The following OGFR variants were observed in gnomAD, a reference collection of about 807,000 sequenced individuals.
OGFR encodes the protein protein 7-60.
In OGFR, 18 loss-of-function variants were observed where a neutral mutation model predicts 33.6. The observed-to-expected ratio is 0.54, with a 90% CI of 0.37 to 0.80. OGFR has a LOEUF of 0.80. Among genes scored for constraint, OGFR ranks in the 30% least tolerant of loss-of-function variants. The probability of loss-of-function intolerance (pLI) is 0.00; values close to 1 mark genes in which losing one functional copy is unlikely to be tolerated. For synonymous variants in OGFR, 370 were observed against 400.7 expected (o/e 0.92, Z 0.91); for missense variants, 877 against 955.8 (o/e 0.92, Z 1.09).
In OGFR at chr20:62,811,982, T is replaced by A. The variant is rs146578275; in HGVS notation, c.615-248T>A. ...TCCTCCCCACCAGGGGGACTCGGGG[T>A]ACAGCCACCCTCTAGGTGATGCGTC... On this transcript the variant is annotated intron_variant, in intron 6 of 6. Transcript: ENST00000290291. 9.7e-3 allele frequency among the ~76,000 whole-genome samples: 1,469 copies of A among 152,212 alleles called. 15 individuals are homozygous for A. The highest frequency in any genetic ancestry group is 0.016 in the Non-Finnish European group (1,072 of 67,988).
chr20:62,806,674 C>A (rs36052174), intron 1 of OGFR: 32,654 of 152,176 alleles, frequency 0.21, 3,739 homozygotes, highest in African/African-American at 0.27. Flanking sequence ...TCCTAACCCC[C>A]CTTCTAGCAC....
intron 3 of OGFR, among the ~76,000 whole-genome samples, chr20:62,808,529 T>C (rs912511267): frequency 5.3e-5 from 8 of 152,210 alleles, no homozygotes; most frequent in African/African-American, 1.9e-4. Flanking sequence ...CGGGGTGGGC[T>C]ATCTCTGTAA....
Position 62,810,490 on chromosome 20 carries a change from C to T in OGFR, c.399-9C>T, listed in dbSNP as rs766005528. 1.2e-6 allele frequency: 2 copies of T among 1,613,130 alleles called. No individual in the cohort carries two copies. Among genetic ancestry groups the T allele is most frequent in the South Asian group, 1.1e-5 (1 of 91,076 alleles). On this transcript the variant is annotated splice_polypyrimidine_tract_variant and intron_variant, in intron 4 of 6. Transcript: ENST00000290291. Reference sequence around the variant, plus strand: ...CTAATCCCTTGCCTGAGCATCTCTTCTCCTGCAGGCTGTTTCCTCTGCGAG... The same window carrying T: ...CTAATCCCTTGCCTGAGCATCTCTTTTCCTGCAGGCTGTTTCCTCTGCGAG...
intron 1 of OGFR, chr20:62,805,597 G>C (rs1346123433): frequency 6.6e-6 from 1 of 152,256 alleles, no homozygotes; most frequent in Non-Finnish European, 1.5e-5. Context: ...CGGCCCCCCT[G>C]TCGGGGAGCT....
chr20:62,808,124 C>A, intron 2 of OGFR, 123 bp from the exon 3 acceptor site: 1 of 798,266 alleles, frequency 1.3e-6, no homozygotes, highest in Non-Finnish European at 2.3e-6. Flanking sequence ...AGGAGCCAGG[C>A]GGGCTCTTGG....
At chr20:62,811,236 C>T (rs752994860) in intron 5 of OGFR, among the ~76,000 whole-genome samples, 2 of 152,142 alleles carry the variant, frequency 1.3e-5, no homozygotes, top group Non-Finnish European at 2.9e-5. Flanking sequence ...TGGTGGCAGG[C>T]AACTGTAATC....
Position 62,813,764 on chromosome 20 carries a change from C to A in OGFR, c.*115C>A. Reference sequence around the variant, plus strand: ...TGCTTCGTGACCCGTGACCCATGACCCACAGTGCTGGCCTCCTGTGGGGCC... The same window carrying A: ...TGCTTCGTGACCCGTGACCCATGACACACAGTGCTGGCCTCCTGTGGGGCC... On this transcript the variant is annotated 3_prime_UTR_variant, in exon 7 of 7. Transcript: ENST00000290291. 7.8e-7 allele frequency: 1 copy of A among 1,287,558 alleles called. No homozygotes were observed. Among genetic ancestry groups the A allele is most frequent in the Non-Finnish European group, 1.1e-6 (1 of 902,916 alleles). The allele number at this position is 1,287,558 out of a possible 1,614,324, so 79.8% of individuals were successfully genotyped here.
At chr20:62,809,550 C>T (rs199654003) in intron 3 of OGFR, 35 bp from the exon 4 acceptor site, 6 of 1,569,454 alleles carry the variant, frequency 3.8e-6, no homozygotes, top group African/African-American at 1.3e-5. Flanking sequence ...GGCAGGGTGG[C>T]TGCCACAGCT....
Position 62,813,571 on chromosome 20 carries a change from T to C in OGFR, c.1956T>C (p.Asp652=), listed in dbSNP as rs141172367. 16 of 1,599,640 alleles carry C rather than the reference T, an allele frequency of 1.0e-5. No individual in the cohort carries two copies. Among genetic ancestry groups the C allele is most frequent in the South Asian group, 1.1e-5 (1 of 89,874 alleles). Residue 652 remains aspartate, a synonymous_variant, in exon 7 of 7, where the codon GAT becomes GAC. Coordinates refer to ENST00000290291, the MANE Select transcript of OGFR (RefSeq NM_007346.4). ...CCAGCCCGGCAGGACCTACAAGGGA[T>C]GAGCCAGCCAAGGCGGGGGAGGCAG... is the stretch of plus-strand genomic sequence containing the variant. ...PGPSPAGPTR[D]EPAKAGEAAE... is the part of the protein sequence containing the mutation.
chr20:62,809,815 T>A, intron 4 of OGFR, 152 bp downstream of exon 4: 1 of 669,878 alleles, frequency 1.5e-6, no homozygotes, highest in Non-Finnish European at 2.7e-6. Context: ...CGGATGGACA[T>A]TACTGGACAT....
At chr20:62,808,804 T>G (rs1019118890) in intron 3 of OGFR, among the ~76,000 whole-genome samples, 4 of 151,724 alleles carry the variant, frequency 2.6e-5, no homozygotes, top group African/African-American at 9.7e-5. Flanking sequence ...AAACCCTGTC[T>G]CTACTAAAAA....
chr20:62,810,257 C>T (rs1268181541), intron 4 of OGFR, among the ~76,000 whole-genome samples: 1 of 152,180 alleles, frequency 6.6e-6, no homozygotes, highest in Non-Finnish European at 1.5e-5. Flanking sequence ...CTGCCTGAGT[C>T]ACCTCCCCAG....
chr20:62,807,159 G>T, intron 1 of OGFR: 1 of 270,392 alleles, frequency 3.7e-6, no homozygotes, highest in Non-Finnish European at 7.1e-6. Flanking sequence ...AAGCCAGGGT[G>T]GAGGTGGCCA....
rs547639186 is a variant in OGFR at position 62,811,345 on chromosome 20, G to A, written c.466-117G>A. On this transcript the variant is annotated intron_variant, in intron 5 of 6. Coordinates refer to ENST00000290291, the MANE Select transcript of OGFR (RefSeq NM_007346.4). ...AGACTCTGTCTCTAAATAAATGTCT[G>A]TCTGTCTGTCTGTCTAGTCCAGGCC... is the stretch of plus-strand genomic sequence containing the variant. 12 of 1,106,412 alleles carry A rather than the reference G, an allele frequency of 1.1e-5. No individual in the cohort carries two copies. In the Admixed American group the frequency reaches 2.0e-4, roughly 19 times the overall value. The allele number at this position is 1,106,412 out of a possible 1,614,324, so 68.5% of individuals were successfully genotyped here.
In OGFR at chr20:62,804,862, GGAC is replaced by G. The variant is rs562826170; in HGVS notation, c.7_9del (p.Asp3del). ...CGCGAGCCCCGCCGCCGCCGAGCAT[GGAC>G]GACCCCGACTGCGACTCCACCTGGG... On this transcript the variant is annotated inframe_deletion, in exon 1 of 7. Coordinates refer to ENST00000290291, the MANE Select transcript of OGFR (RefSeq NM_007346.4). 365 of 1,466,900 alleles carry G rather than the reference GGAC, an allele frequency of 2.5e-4. 2 individuals are homozygous for G. In the African/African-American group the frequency reaches 4.7e-3, roughly 19 times the overall value. 90.9% of individuals were successfully genotyped at this position (1,466,900 alleles called of 1,614,324 possible).
At chr20:62,808,845 T>G (rs1028069589) in intron 3 of OGFR, among the ~76,000 whole-genome samples, 2 of 151,722 alleles carry the variant, frequency 1.3e-5, no homozygotes, top group East Asian at 3.9e-4. Flanking sequence ...TGTGGTAGCG[T>G]GCGCCTGTAG....
intron 1 of OGFR, 183 bp from the exon 2 acceptor site, chr20:62,807,354 T>C: frequency 1.6e-6 from 1 of 623,738 alleles, no homozygotes; most frequent in Non-Finnish European, 2.9e-6. Flanking sequence ...GAGGCCCAAA[T>C]CTGCCCCACT....
At position 62,807,612 on chromosome 20, in the gene OGFR, A is replaced by ACCTGCC. The variant is rs1370138323; in HGVS notation, c.240+16_240+21dup. 6.2e-7 allele frequency: 1 copy of ACCTGCC among 1,611,092 alleles called. No homozygotes were observed. Among genetic ancestry groups the ACCTGCC allele is most frequent in the Non-Finnish European group, 8.5e-7 (1 of 1,178,824 alleles). On this transcript the variant is annotated splice_region_variant and intron_variant, in intron 2 of 6. Transcript: ENST00000290291. Reference sequence around the variant, plus strand: ...GTATCGGCACAACTATCCGGTACGTACCTGCCCCTGCCCCGGGACACAGAA... The same window carrying ACCTGCC: ...GTATCGGCACAACTATCCGGTACGTACCTGCCCCTGCCCCTGCCCCGGGACACAGAA...
intron 6 of OGFR, 28 bp downstream of exon 6, chr20:62,811,638 C>T: frequency 6.5e-7 from 1 of 1,535,942 alleles, no homozygotes; most frequent in Non-Finnish European, 8.8e-7. Context: ...CCGCCCACCC[C>T]CACCCCGGCG....
Sources: allele counts gnomAD v4.1 joint callset (sites outside exome capture counted in the v4.1 genomes callset), GRCh38; gene constraint gnomAD v4.1.1; transcripts MANE v1.5; gene names NCBI Gene and HGNC (gene_info 2026-07-23, HGNC 2026-07-21).